KCNJ6: variants seen among roughly 807,000 people sequenced by gnomAD.
KCNJ6 encodes potassium inwardly rectifying channel subfamily J member 6, also known as G protein-activated inward rectifier potassium channel 2.
Under a neutral mutation model 34.2 loss-of-function variants are expected in KCNJ6, and 9 were observed. That is an observed-to-expected ratio of 0.26 (90% confidence interval 0.16 to 0.46). KCNJ6 has a LOEUF of 0.46. KCNJ6 is among the 20% of genes least tolerant of loss of function. The probability of loss-of-function intolerance (pLI) is 1.00; values close to 1 mark genes in which losing one functional copy is unlikely to be tolerated. For missense variants in KCNJ6, 236 were observed against 531.3 expected (o/e 0.44, Z 5.46); for synonymous variants, 196 against 207.1 (o/e 0.95, Z 0.46).
rs748169802 is a variant in KCNJ6, at chr21:37,624,786, G to C, written c.*373C>G. 5.3e-5 allele frequency: 11 copies of C among 205,876 alleles called. No individual in the cohort carries two copies. The highest frequency in any genetic ancestry group is 1.1e-4 in the Non-Finnish European group (11 of 102,476). 12.8% of individuals were successfully genotyped at this position (205,876 alleles called of 1,614,324 possible). ...TCACTGAATGAATAAATAGGCACCA[G>C]AAACCTTGCTTGTCATATCCCAGGT... On this transcript the variant is annotated 3_prime_UTR_variant, in exon 4 of 4. Transcript: ENST00000609713.
chr21:37,685,167 T>C (rs1019063579), intron 3 of KCNJ6, among the ~76,000 whole-genome samples: 1 of 152,066 alleles, frequency 6.6e-6, no homozygotes, highest in African/African-American at 2.4e-5. Context: ...GATGCCCAAC[T>C]ACATGCTAGA....
intron 1 of KCNJ6, among the ~76,000 whole-genome samples, chr21:37,859,645 G>A (rs1316994152): frequency 1.3e-5 from 2 of 150,738 alleles, no homozygotes; most frequent in Non-Finnish European, 3.0e-5. Context: ...TATCTCAGTG[G>A]TAGGGATAAA....
At chr21:37,762,291 T>A (rs1330455121) in intron 2 of KCNJ6, among the ~76,000 whole-genome samples, 1 of 152,178 alleles carries the variant, frequency 6.6e-6, no homozygotes, top group Non-Finnish European at 1.5e-5. Flanking sequence ...CACACTCCAG[T>A]GGCTTCTTTG....
At chr21:37,754,160 G>A (rs911602983) in intron 2 of KCNJ6, among the ~76,000 whole-genome samples, 1 of 152,184 alleles carries the variant, frequency 6.6e-6, no homozygotes, top group African/African-American at 2.4e-5. Context: ...ATTACTAGAG[G>A]AAGGACATCT....
intron 3 of KCNJ6, among the ~76,000 whole-genome samples, chr21:37,663,246 TAA>T (rs1482912239): frequency 1.3e-5 from 2 of 152,190 alleles, no homozygotes; most frequent in Non-Finnish European, 2.9e-5. Context: ...ATGAGTTCTG[TAA>T]TTGTTTATGT....
At chr21:37,779,764 G>A (rs1286567965) in intron 2 of KCNJ6, among the ~76,000 whole-genome samples, 2 of 152,206 alleles carry the variant, frequency 1.3e-5, no homozygotes, top group Non-Finnish European at 2.9e-5. Flanking sequence ...AGGTTTGCTT[G>A]TATGCTCGTG....
At chr21:37,810,128 T>C (rs1486207676) in intron 2 of KCNJ6, among the ~76,000 whole-genome samples, 2 of 152,194 alleles carry the variant, frequency 1.3e-5, no homozygotes, top group East Asian at 3.8e-4. Context: ...CCTGTGTGCA[T>C]GCACACACAC....
At position 37,783,684 on chromosome 21, in the gene KCNJ6, T is replaced by C. The variant is rs143931002; in HGVS notation, c.25+56974A>G. 4.1e-4 allele frequency among the ~76,000 whole-genome samples: 63 copies of C among 152,366 alleles called. No homozygotes were observed. In the Middle Eastern group the frequency reaches 0.01, roughly 25 times the overall value. On this transcript the variant is annotated intron_variant, in intron 2 of 3. Transcript: ENST00000609713. Reference sequence around the variant, plus strand: ...GTATCAATTCCCTGCTTGAAGTCTTTGCTTTTGTCATGAATTGAATGTTCA... The same window carrying C: ...GTATCAATTCCCTGCTTGAAGTCTTCGCTTTTGTCATGAATTGAATGTTCA...
At chr21:37,627,264 C>T (rs1301219960) in intron 3 of KCNJ6, among the ~76,000 whole-genome samples, 2 of 152,132 alleles carry the variant, frequency 1.3e-5, no homozygotes, top group Non-Finnish European at 2.9e-5. Flanking sequence ...ATCTCAAAAC[C>T]GAAATGTGAC....
At chr21:37,837,043 T>G (rs986246484) in intron 2 of KCNJ6, among the ~76,000 whole-genome samples, 17 of 152,100 alleles carry the variant, frequency 1.1e-4, no homozygotes, top group African/African-American at 3.9e-4. Flanking sequence ...CCTACCTGTC[T>G]TGTCTTTGCT....
chr21:37,837,246 C>T (rs953364897), intron 2 of KCNJ6, among the ~76,000 whole-genome samples: 7 of 151,868 alleles, frequency 4.6e-5, no homozygotes, highest in Non-Finnish European at 8.8e-5. Context: ...AATAATGTGA[C>T]GTAAAATATT....
At chr21:37,862,157 G>C (rs780179498) in intron 1 of KCNJ6, among the ~76,000 whole-genome samples, 11 of 152,204 alleles carry the variant, frequency 7.2e-5, no homozygotes, top group Non-Finnish European at 1.2e-4. Flanking sequence ...TCTTCCATGA[G>C]AGCTGTGGAA....
intron 3 of KCNJ6, among the ~76,000 whole-genome samples, chr21:37,696,926 G>A (rs535557510): frequency 2.0e-5 from 3 of 152,304 alleles, no homozygotes; most frequent in South Asian, 2.1e-4. Context: ...GTAGCATGGC[G>A]AACAGGATCA....
intron 2 of KCNJ6, among the ~76,000 whole-genome samples, chr21:37,773,752 A>G (rs1193273397): frequency 6.6e-6 from 1 of 152,138 alleles, no homozygotes; most frequent in Non-Finnish European, 1.5e-5. Flanking sequence ...AAGAAATATC[A>G]TTCTCTTATA....
chr21:37,717,414 CACTGGA>C (rs1464515124), intron 2 of KCNJ6, among the ~76,000 whole-genome samples: 1 of 150,246 alleles, frequency 6.7e-6, no homozygotes, highest in East Asian at 2.0e-4. Flanking sequence ...ATGTCCTTCT[CACTGGA>C]GATGGGGTGG....
intron 1 of KCNJ6, among the ~76,000 whole-genome samples, chr21:37,868,195 A>G (rs1173715845): frequency 6.6e-6 from 1 of 152,250 alleles, no homozygotes; most frequent in Non-Finnish European, 1.5e-5. Context: ...AAACAATGCA[A>G]TAAATACGGT....
intron 2 of KCNJ6, among the ~76,000 whole-genome samples, chr21:37,726,318 AT>A (rs2054854314): frequency 6.6e-6 from 1 of 152,004 alleles, no homozygotes; most frequent in Admixed American, 6.6e-5. Context: ...GGTAGATGTT[AT>A]TGTTTTCATT....
chr21:37,625,429 G>A lies in KCNJ6; in HGVS notation c.1002C>T (p.Tyr334=). Residue 334 remains tyrosine (Y), a synonymous_variant, in exon 4 of 4, where the codon TAC becomes TAT. Coordinates refer to ENST00000609713, the MANE Select transcript of KCNJ6 (RefSeq NM_002240.5). Reference sequence around the variant, plus strand: ...CCAGGGTCAGGACAGGTGTGAACCGGTAACCCCACAGGATCTCACTGGTGA... The same window carrying A: ...CCAGGGTCAGGACAGGTGTGAACCGATAACCCCACAGGATCTCACTGGTGA... ...SYITSEILWG[Y]RFTPVLTLED... 6.2e-7 allele frequency: 1 copy of A among 1,614,214 alleles called. No homozygotes were observed. Among genetic ancestry groups the A allele is most frequent in the Non-Finnish European group, 8.5e-7 (1 of 1,180,022 alleles).
At chr21:37,734,523 T>C (rs773118721) in intron 2 of KCNJ6, among the ~76,000 whole-genome samples, 4 of 152,188 alleles carry the variant, frequency 2.6e-5, no homozygotes, top group Non-Finnish European at 4.4e-5. Context: ...TCAATTTTTG[T>C]GGTGTACAAG....
Sources: gnomAD v4.1 joint callset for allele counts (sites outside exome capture counted in the v4.1 genomes callset) on GRCh38, gnomAD v4.1.1 for gene constraint, MANE v1.5 for transcripts, NCBI Gene and HGNC (gene_info 2026-07-23, HGNC 2026-07-21) for gene names.